Variants in GARRE1 observed in about 807,000 individuals in gnomAD.
GARRE1 encodes granule associated Rac and RHOG effector 1.
In GARRE1, 49 loss-of-function variants were observed where a neutral mutation model predicts 103.2. The observed-to-expected ratio is 0.47, with a 90% CI of 0.38 to 0.60. The LOEUF (loss-of-function observed/expected upper bound fraction) is 0.60. Ranked by LOEUF, GARRE1 falls within the 20% of genes least tolerant of loss-of-function variation. The pLI, the probability that GARRE1 is intolerant of heterozygous loss-of-function variation, is 0.00. For missense variants in GARRE1, 1,199 were observed against 1,370.5 expected (o/e 0.87, Z 1.98); for synonymous variants, 505 against 532.8 (o/e 0.95, Z 0.72).
At position 34,349,777 on chromosome 19, in the gene GARRE1, C is replaced by G. The variant is rs138725216; in HGVS notation, c.2825+624C>G. On this transcript the variant is annotated intron_variant, in intron 12 of 13. Transcript: ENST00000299505. ...CATGCTGTAGAGCAGAGTGGGAGGC[C>G]GGGTTACTTGGTCCCTGCTGGACAG... Among the ~76,000 whole-genome samples the G allele has an allele frequency of 2.0e-5, 3 of 151,838 alleles. No homozygotes were observed. The East Asian group carries it at 5.8e-4, about 29-fold the overall frequency.
At chr19:34,292,703 T>C (rs1395383510) in intron 1 of GARRE1, among the ~76,000 whole-genome samples, 1 of 152,014 alleles carries the variant, frequency 6.6e-6, no homozygotes, top group Non-Finnish European at 1.5e-5. Flanking sequence ...GCCTCCTGAA[T>C]AGTTGGGATT....
At chr19:34,281,931 T>C (rs1204307646) in intron 1 of GARRE1, among the ~76,000 whole-genome samples, 3 of 152,244 alleles carry the variant, frequency 2.0e-5, no homozygotes, top group Non-Finnish European at 4.4e-5. Flanking sequence ...GTCTTTGTTC[T>C]TCTCTATACG....
intron 10 of GARRE1, among the ~76,000 whole-genome samples, chr19:34,344,366 G>A (rs1403717629): frequency 2.6e-5 from 4 of 152,008 alleles, no homozygotes; most frequent in Admixed American, 2.0e-4. Context: ...CGAGGCGGGC[G>A]GATCACGAGG....
At chr19:34,335,825 T>G (rs1197695704) in intron 8 of GARRE1, among the ~76,000 whole-genome samples, 1 of 151,828 alleles carries the variant, frequency 6.6e-6, no homozygotes, top group African/African-American at 2.4e-5. Flanking sequence ...CGCGCCCGGC[T>G]CATTTGTTCT....
At chr19:34,282,007 C>T (rs757911045) in intron 1 of GARRE1, among the ~76,000 whole-genome samples, 6 of 152,126 alleles carry the variant, frequency 3.9e-5, no homozygotes, top group East Asian at 1.9e-4. Context: ...AAGCTACAAG[C>T]GTGTGTGTCT....
At chr19:34,254,918 C>T (rs951862698) in intron 1 of GARRE1, among the ~76,000 whole-genome samples, 11 of 150,948 alleles carry the variant, frequency 7.3e-5, no homozygotes, top group African/African-American at 2.4e-4. Context: ...AGGGGCGGGT[C>T]GGCGCCCGTC....
intron 2 of GARRE1, among the ~76,000 whole-genome samples, chr19:34,301,669 G>A (rs1034651924): frequency 6.6e-6 from 1 of 151,510 alleles, no homozygotes; most frequent in Non-Finnish European, 1.5e-5. Flanking sequence ...ATACGATTAT[G>A]AGCTTTATTT....
intron 7 of GARRE1, among the ~76,000 whole-genome samples, 188 bp from the exon 8 acceptor site, chr19:34,333,516 T>C (rs143919217): frequency 1.3e-5 from 2 of 152,304 alleles, no homozygotes; most frequent in East Asian, 1.9e-4. Flanking sequence ...TTTATTGAAA[T>C]GTTCTTAGTT....
intron 1 of GARRE1, among the ~76,000 whole-genome samples, chr19:34,259,200 T>C (rs1401447410): frequency 6.6e-6 from 1 of 152,162 alleles, no homozygotes; most frequent in Non-Finnish European, 1.5e-5. Flanking sequence ...AATAAATAAA[T>C]ATCACTTATC....
intron 1 of GARRE1, among the ~76,000 whole-genome samples, chr19:34,290,798 A>G (rs1342877454): frequency 2.1e-5 from 3 of 145,952 alleles, no homozygotes; most frequent in South Asian, 2.3e-4. Flanking sequence ...TACAAAGTCT[A>G]TTTTGTGATA....
At chr19:34,272,301 C>T (rs148631073) in intron 1 of GARRE1, among the ~76,000 whole-genome samples, 321 of 152,230 alleles carry the variant, frequency 2.1e-3, no homozygotes, top group Non-Finnish European at 3.7e-3. Context: ...GCAACATCTG[C>T]CTCCTGGGTT....
chr19:34,349,084 C>T lies in GARRE1; in HGVS notation c.2756C>T (p.Ser919Leu), dbSNP rs1360492604. Residue 919 changes from serine to leucine, a missense_variant, in exon 12 of 14, where the codon TCA becomes TTA. Physicochemically the swap from Ser to Leu is moderately radical, Grantham distance 145. Coordinates refer to ENST00000299505, the MANE Select transcript of GARRE1 (RefSeq NM_014686.5). ...DSASSSDETS[S>L]ANGDSLFSMF... is the part of the protein sequence containing the mutation. ...GCCAGCTCGAGTGATGAGACATCCT[C>T]AGCCAACGGGGACAGCTTGTTCTCC... 2 of 1,612,742 alleles carry T rather than the reference C, an allele frequency of 1.2e-6. No individual in the cohort carries two copies. Among genetic ancestry groups the T allele is most frequent in the South Asian group, 1.1e-5 (1 of 91,084 alleles).
intron 1 of GARRE1, among the ~76,000 whole-genome samples, chr19:34,298,437 G>A (rs1290421025): frequency 6.7e-6 from 1 of 149,856 alleles, no homozygotes; most frequent in African/African-American, 2.5e-5. Flanking sequence ...AGTTGGCCAG[G>A]CGCAGTGGCT....
At chr19:34,342,484 G>A in intron 10 of GARRE1, 29 bp downstream of exon 10, 1 of 1,576,348 alleles carries the variant, frequency 6.3e-7, no homozygotes, top group Non-Finnish European at 8.6e-7. Context: ...CCCTCGCCCA[G>A]TGTCAACAGC....
At position 34,296,434 on chromosome 19, in the gene GARRE1, G is replaced by A. The variant is rs566971411; in HGVS notation, c.-795-3245G>A. 59 of 1,586,744 alleles carry A rather than the reference G, an allele frequency of 3.7e-5. No homozygotes were observed. The African/African-American group carries it at 6.4e-4, about 17-fold the overall frequency. ...GTGCGGGCACGAGCACACTTCCCAA[G>A]CTTGGGGTGGGCAATGTAGGCAAGT... On this transcript the variant is annotated intron_variant, in intron 1 of 13. Transcript: ENST00000299505.
At chr19:34,306,960 G>A (rs1015979668) in intron 2 of GARRE1, among the ~76,000 whole-genome samples, 2 of 152,014 alleles carry the variant, frequency 1.3e-5, no homozygotes, top group African/African-American at 2.4e-5. Context: ...GGTGACATTC[G>A]AGTAAAGGCC....
chr19:34,342,510 G>A lies in GARRE1; in HGVS notation c.2521+55G>A. On this transcript the variant is annotated intron_variant, in intron 10 of 13. Coordinates refer to ENST00000299505, the MANE Select transcript of GARRE1 (RefSeq NM_014686.5). Reference sequence around the variant, plus strand: ...TGTCAACAGCAAATGCAACTGCCGAGGTCTTCCCAGGGCCTGTCTGCTGCA... The same window carrying A: ...TGTCAACAGCAAATGCAACTGCCGAAGTCTTCCCAGGGCCTGTCTGCTGCA... 4 of 1,473,194 alleles carry A rather than the reference G, an allele frequency of 2.7e-6. No individual in the cohort carries two copies. In the South Asian group the frequency reaches 5.1e-5, roughly 19 times the overall value. The allele number at this position is 1,473,194 out of a possible 1,614,324, so 91.3% of individuals were successfully genotyped here. A position where few individuals can be genotyped will look rare whatever the true frequency, so the allele number is the denominator to read the frequency against.
At position 34,319,904 on chromosome 19, in the gene GARRE1, C is replaced by T; in HGVS notation, c.496-3C>T. On this transcript the variant is annotated splice_region_variant and splice_polypyrimidine_tract_variant and intron_variant, in intron 2 of 13. Coordinates refer to ENST00000299505, the MANE Select transcript of GARRE1 (RefSeq NM_014686.5). ...AACATCCCTGGCTGTCTTGTTTTCACAGGTGTTGGGGCGATGTTTCCTGAC... is the reference window on the plus strand; with the variant it reads ...AACATCCCTGGCTGTCTTGTTTTCATAGGTGTTGGGGCGATGTTTCCTGAC... The T allele has an allele frequency of 6.2e-7, 1 of 1,613,924 alleles. No homozygotes were observed. Among genetic ancestry groups the T allele is most frequent in the Non-Finnish European group, 8.5e-7 (1 of 1,179,756 alleles).
intron 10 of GARRE1, among the ~76,000 whole-genome samples, chr19:34,345,204 C>T (rs2074205617): frequency 6.6e-6 from 1 of 152,192 alleles, no homozygotes; most frequent in Non-Finnish European, 1.5e-5. Flanking sequence ...CCACCCACCT[C>T]AGCCTCCTAA....
Sources: gnomAD v4.1 joint callset for allele counts (sites outside exome capture counted in the v4.1 genomes callset) on GRCh38, gnomAD v4.1.1 for gene constraint, MANE v1.5 for transcripts, NCBI Gene and HGNC (gene_info 2026-07-23, HGNC 2026-07-21) for gene names.